The following ZMYM6 variants were observed in gnomAD, a reference collection of about 807,000 sequenced individuals.
The protein encoded by ZMYM6 is zinc finger MYM-type containing 6.
Under a neutral mutation model 134.0 loss-of-function variants are expected in ZMYM6, and 90 were observed. That is an observed-to-expected ratio of 0.67 (90% confidence interval 0.57 to 0.80). The LOEUF is 0.80. Among genes scored for constraint, ZMYM6 ranks in the 30% least tolerant of loss-of-function variants. The pLI is 0.00. For missense variants in ZMYM6, 1,362 were observed against 1,533.9 expected (o/e 0.89, Z 1.87); for synonymous variants, 481 against 524.1 (o/e 0.92, Z 1.12).
chr1:34,987,740 G>C lies in ZMYM6; in HGVS notation c.3342C>G (p.Ala1114=). 1.3e-6 allele frequency: 2 copies of C among 1,551,400 alleles called. No homozygotes were observed. Among genetic ancestry groups the C allele is most frequent in the Non-Finnish European group, 1.7e-6 (2 of 1,146,938 alleles). The change falls in exon 16 of 16, where the codon GCC becomes GCG. Residue 1114 remains alanine, a synonymous_variant. Coordinates refer to ENST00000357182, the MANE Select transcript of ZMYM6 (RefSeq NM_007167.4). ...FHDEEWVGKL[A]YLSDIFSLIN... The stretch of plus-strand genomic sequence containing the variant: ...TAAGTGAAAATATATCTGATAAGTA[G>C]GCCAGCTTTCCAACCCATTCCTCAT...
chr1:35,030,967 G>A (rs1401031386), intron 1 of ZMYM6, among the ~76,000 whole-genome samples: 1 of 152,140 alleles, frequency 6.6e-6, no homozygotes, highest in Non-Finnish European at 1.5e-5. Flanking sequence ...TTCCTATGTT[G>A]AAGGTTATTG....
chr1:35,012,454 C>T lies in ZMYM6; in HGVS notation c.923G>A (p.Arg308Lys), dbSNP rs555779276. 2.1e-5 allele frequency: 33 copies of T among 1,600,116 alleles called. No homozygotes were observed. In the East Asian group the frequency reaches 7.0e-4, roughly 34 times the overall value. ...FCSINCLSAY[R>K]VKTVTSSGVQ... is the part of the protein sequence containing the mutation. Reference sequence around the variant, plus strand: ...ACCTGAAGAAGTAACAGTCTTAACTCTGTAAGCAGATAAGCAATTAATAGA... The same window carrying T: ...ACCTGAAGAAGTAACAGTCTTAACTTTGTAAGCAGATAAGCAATTAATAGA... The change falls in exon 7 of 16, where the codon AGA (arginine) becomes AAA (lysine). Residue 308 changes from arginine (R) to lysine (K), a missense_variant. By Grantham distance (26) the Arg-to-Lys change is conservative (BLOSUM62 2). Around this residue, in one of 3 missense-constraint regions of ZMYM6, gnomAD observed 503 missense variants for 520.8 expected, o/e 0.97. Transcript: ENST00000357182.
chr1:35,008,709 C>T, intron 11 of ZMYM6, 43 bp downstream of exon 11: 3 of 1,575,368 alleles, frequency 1.9e-6, no homozygotes, highest in Non-Finnish European at 2.6e-6. Context: ...AAACAATTTG[C>T]ACTGATTTCA....
intron 2 of ZMYM6, 168 bp downstream of exon 2, chr1:35,030,379 C>G: frequency 1.6e-6 from 1 of 628,328 alleles, no homozygotes; most frequent in South Asian, 2.1e-5. Flanking sequence ...CTGCAGTGAG[C>G]TAAGGAGATC....
Position 34,987,342 on chromosome 1 carries a change from AGT to A in ZMYM6, c.3738_3739del (p.Leu1247IlefsTer2). 1 of 1,613,630 alleles carries A rather than the reference AGT, an allele frequency of 6.2e-7. No individual in the cohort carries two copies. Among genetic ancestry groups the A allele is most frequent in the Non-Finnish European group, 8.5e-7 (1 of 1,179,868 alleles). The stretch of plus-strand genomic sequence containing the variant: ...CTGAGTTACAGACACTGATTTAAAT[AGT>A]GCTTGTAATCCTAAATCTGAAGATA... On this transcript the variant is annotated frameshift_variant, in exon 16 of 16. Transcript: ENST00000357182. LOFTEE classifies it high-confidence loss of function.
chr1:35,016,847 AT>A (rs1641209352), intron 4 of ZMYM6, among the ~76,000 whole-genome samples: 1 of 151,900 alleles, frequency 6.6e-6, no homozygotes, highest in Non-Finnish European at 1.5e-5. Flanking sequence ...TATAAAAAAA[AT>A]TTTTTAATTA....
At chr1:35,014,629 A>T in intron 6 of ZMYM6, 68 bp downstream of exon 6, 2 of 1,460,346 alleles carry the variant, frequency 1.4e-6, no homozygotes, top group South Asian at 2.6e-5. Context: ...CTCATTTTGT[A>T]GTTCATCCCT....
intron 2 of ZMYM6, among the ~76,000 whole-genome samples, chr1:35,022,914 T>C (rs1027451394): frequency 2.0e-5 from 3 of 152,062 alleles, no homozygotes; most frequent in Non-Finnish European, 4.4e-5. Flanking sequence ...GAAACAGATA[T>C]GATCTTGACT....
At chr1:35,018,945 G>C (rs936856828) in intron 4 of ZMYM6, 1 of 213,018 alleles carries the variant, frequency 4.7e-6, no homozygotes, top group Non-Finnish European at 9.2e-6. Flanking sequence ...ACATTTTTGC[G>C]ACCATGTAGA....
intron 6 of ZMYM6, chr1:35,013,689 T>G: frequency 1.0e-6 from 1 of 975,912 alleles, no homozygotes. Context: ...TTGTTTTTTT[T>G]TTTTGTTTGT....
chr1:35,012,429 A>G lies in ZMYM6; in HGVS notation c.946+2T>C, dbSNP rs1214609575. 2.6e-6 allele frequency: 4 copies of G among 1,522,226 alleles called. No individual in the cohort carries two copies. The highest frequency in any genetic ancestry group is 3.5e-6 in the Non-Finnish European group (4 of 1,139,406). The allele number at this position is 1,522,226 out of a possible 1,614,324, so 94.3% of individuals were successfully genotyped here. ...TATAAATTTATCAAATTTAAACATTACCTGAAGAAGTAACAGTCTTAACTC... is the reference window on the plus strand; with the variant it reads ...TATAAATTTATCAAATTTAAACATTGCCTGAAGAAGTAACAGTCTTAACTC... On this transcript the variant is annotated splice_donor_variant, in intron 7 of 15. Coordinates refer to ENST00000357182, the MANE Select transcript of ZMYM6 (RefSeq NM_007167.4). LOFTEE classifies it high-confidence loss of function.
Position 34,988,588 on chromosome 1 carries a change from A to G in ZMYM6, c.2494T>C (p.Ser832Pro). 3 of 1,550,896 alleles carry G rather than the reference A, an allele frequency of 1.9e-6. No homozygotes were observed. The South Asian group carries it at 3.6e-5, about 19-fold the overall frequency. The change falls in exon 16 of 16, where the codon TCT becomes CCT. Residue 832 changes from serine (S) to proline (P), a missense_variant. By Grantham distance (74) the Ser-to-Pro change is moderately conservative. This residue lies in a region of ZMYM6 where 824 missense variants were observed against 940.9 expected (regional missense o/e 0.88). Transcript: ENST00000357182. ...LLVEKSLVKA[S>P]YLIAFQTAAS... is the part of the protein sequence containing the mutation. Reference sequence around the variant, plus strand: ...GCAGTTTGGAAAGCAATTAAATAAGAAGCTTTCACAAGTGACTTTTCAACT... The same window carrying G: ...GCAGTTTGGAAAGCAATTAAATAAGGAGCTTTCACAAGTGACTTTTCAACT...
Position 35,019,365 on chromosome 1 carries a change from G to A in ZMYM6, c.416C>T (p.Thr139Ile). ...CLPPPPKKTCTNCSKDILNPK... is the reference protein window; with the variant it reads ...CLPPPPKKTCINCSKDILNPK... ...AAGAATTTTATACTTCGAGCAGTTT[G>A]TGCAGGTTTTCTTGGGAGGAGGTGG... The change falls in exon 4 of 16, where the codon ACA becomes ATA. Residue 139 changes from threonine (T) to isoleucine (I), a missense_variant. Transcript: ENST00000357182. The A allele has an allele frequency of 1.9e-6, 3 of 1,614,216 alleles. No homozygotes were observed. The highest frequency in any genetic ancestry group is 1.7e-6 in the Non-Finnish European group (2 of 1,180,048).
At position 35,010,920 on chromosome 1, in the gene ZMYM6, G is replaced by A; in HGVS notation, c.1179C>T (p.Thr393=). ...GGATGGAGCTGGGGGAAACGGCAGA[G>A]GTGTTACCTCCTCCTATTGACACTG... ...RSAVSIGGGN[T]SAVSPSSIRG... is the part of the protein sequence containing the mutation. Residue 393 remains threonine, a synonymous_variant, in exon 9 of 16, where the codon ACC becomes ACT. Transcript: ENST00000357182. The A allele has an allele frequency of 6.2e-7, 1 of 1,613,164 alleles. No homozygotes were observed. Among genetic ancestry groups the A allele is most frequent in the Non-Finnish European group, 8.5e-7 (1 of 1,179,674 alleles).
At chr1:35,024,152 C>G (rs1328438716) in intron 2 of ZMYM6, among the ~76,000 whole-genome samples, 12 of 152,142 alleles carry the variant, frequency 7.9e-5, no homozygotes, top group Admixed American at 7.9e-4. Flanking sequence ...CTCCACCTTA[C>G]CTACAAATTG....
chr1:35,005,330 C>G, intron 12 of ZMYM6, 58 bp from the exon 13 acceptor site: 1 of 1,533,048 alleles, frequency 6.5e-7, no homozygotes, highest in Non-Finnish European at 8.9e-7. Flanking sequence ...CTCTCATACA[C>G]ACTCACACTC....
chr1:35,016,697 G>A (rs966506199), intron 4 of ZMYM6, among the ~76,000 whole-genome samples: 2 of 152,132 alleles, frequency 1.3e-5, no homozygotes, highest in African/African-American at 4.8e-5. Flanking sequence ...ATGATGGAGT[G>A]CAGTGGCTCA....
At chr1:35,024,929 A>C (rs952263389) in intron 2 of ZMYM6, among the ~76,000 whole-genome samples, 4 of 151,294 alleles carry the variant, frequency 2.6e-5, no homozygotes, top group Non-Finnish European at 4.4e-5. Context: ...AGTGCAGTGG[A>C]GCAATCTCTG....
At chr1:35,009,778 TAAAA>T (rs1290325428) in intron 10 of ZMYM6, among the ~76,000 whole-genome samples, 1 of 151,066 alleles carries the variant, frequency 6.6e-6, no homozygotes, top group Non-Finnish European at 1.5e-5. Context: ...CTACCAAAAA[TAAAA>T]AAAATTAGCC....
Sources: gnomAD v4.1 joint callset for allele counts (sites outside exome capture counted in the v4.1 genomes callset) on GRCh38, gnomAD v4.1.1 for gene constraint, gnomAD v4.1.1 regional missense constraint, MANE v1.5 for transcripts, NCBI Gene and HGNC (gene_info 2026-07-23, HGNC 2026-07-21) for gene names.